PRR14L: variants seen among roughly 807,000 people sequenced by gnomAD.
PRR14L encodes the protein protein PRR14L.
A neutral mutation model predicts 155.0 loss-of-function variants in PRR14L; 80 were observed. The ratio of observed to expected loss-of-function variants is 0.52; its 90% CI spans 0.43 to 0.62. The LOEUF is 0.62. Among genes scored for constraint, PRR14L ranks in the 20% least tolerant of loss-of-function variants. The pLI, the probability that PRR14L is intolerant of heterozygous loss-of-function variation, is 0.00. For missense variants in PRR14L, 2,469 were observed against 2,548.0 expected, an observed-to-expected ratio of 0.97 and a Z score of 0.67; for synonymous variants, 883 against 916.0, an observed-to-expected ratio of 0.96 and a Z score of 0.65.
chr22:31,718,170 C>T (rs1048693329), intron 3 of PRR14L, among the ~76,000 whole-genome samples: 2 of 151,574 alleles, frequency 1.3e-5, no homozygotes, highest in South Asian at 2.1e-4. Context: ...TCAGGTGACC[C>T]GCCTGCCTCG....
At chr22:31,704,617 G>T in intron 5 of PRR14L, 38 bp downstream of exon 5, 3 of 1,545,778 alleles carry the variant, frequency 1.9e-6, no homozygotes, top group Non-Finnish European at 2.7e-6. Flanking sequence ...ACACACACAC[G>T]CACACGCGCA....
At position 31,703,682 on chromosome 22, in the gene PRR14L, G is replaced by A; in HGVS notation, c.5868C>T (p.Cys1956=). Residue 1956 remains cysteine, a synonymous_variant, in exon 6 of 9, where the codon TGC becomes TGT. Coordinates refer to ENST00000327423, the MANE Select transcript of PRR14L (RefSeq NM_173566.3). ...PPFPALVPKS[C]LVAESAVSKL... ...TGCTGACAGCTGATTCTGCTACCAA[G>A]CAAGACTTTGGTACCAAGGCAGGGA... 1 of 1,608,028 alleles carries A rather than the reference G, an allele frequency of 6.2e-7. No individual in the cohort carries two copies. The highest frequency in any genetic ancestry group is 8.5e-7 in the Non-Finnish European group (1 of 1,176,660).
intron 4 of PRR14L, 28 bp downstream of exon 4, chr22:31,712,055 T>C (rs2074625893): frequency 1.3e-6 from 2 of 1,561,662 alleles, no homozygotes; most frequent in East Asian, 2.3e-5. Context: ...ATATGGGACA[T>C]TTGTAAAGAA....
chr22:31,715,148 T>C lies in PRR14L; in HGVS notation c.2691A>G (p.Lys897=), dbSNP rs1410355016. ...NKTIHTSSSI[K]LSEEGLEGKE... ...TTCCTTCCAGCCCTTCCTCACTGAG[T>C]TTGATGCTACTGGAGGTGTGAATGG... Residue 897 remains lysine (K), a synonymous_variant, in exon 4 of 9, where the codon AAA becomes AAG. Coordinates refer to ENST00000327423, the MANE Select transcript of PRR14L (RefSeq NM_173566.3). 1.3e-6 allele frequency: 2 copies of C among 1,551,970 alleles called. No individual in the cohort carries two copies. The highest frequency in any genetic ancestry group is 1.7e-6 in the Non-Finnish European group (2 of 1,147,018).
intron 4 of PRR14L, among the ~76,000 whole-genome samples, chr22:31,708,917 C>A (rs1294208819): frequency 6.6e-6 from 1 of 152,142 alleles, no homozygotes; most frequent in Non-Finnish European, 1.5e-5. Flanking sequence ...ACCTCCAACT[C>A]CTGGGTTTAA....
At chr22:31,747,047 G>A (rs1029616526) in intron 1 of PRR14L, among the ~76,000 whole-genome samples, 115 of 151,350 alleles carry the variant, frequency 7.6e-4, no homozygotes, top group African/African-American at 2.4e-3. Context: ...CTTGTGATCC[G>A]CCCGCCTCGG....
rs1010572697 is a variant in PRR14L at position 31,739,934 on chromosome 22, C to G, written c.-51-1023G>C. ...ATGCAGTTTCCACAACAACAAAATC[C>G]ACTTTGACCATTCTGATTAGTCTGA... On this transcript the variant is annotated intron_variant, in intron 1 of 8. Coordinates refer to ENST00000327423, the MANE Select transcript of PRR14L (RefSeq NM_173566.3). Among the ~76,000 whole-genome samples, 21 of 152,208 alleles carry G rather than the reference C, an allele frequency of 1.4e-4. 1 individual carries two copies. The South Asian group carries it at 3.7e-3, about 27-fold the overall frequency.
chr22:31,739,033 G>C (rs1367665191), intron 1 of PRR14L, 122 bp from the exon 2 acceptor site: 3 of 525,426 alleles, frequency 5.7e-6, no homozygotes, highest in Non-Finnish European at 1.0e-5. Context: ...AGCATTATCT[G>C]GCACCAAAAA....
At chr22:31,749,134 C>A (rs1323938529) in intron 1 of PRR14L, among the ~76,000 whole-genome samples, 2 of 152,130 alleles carry the variant, frequency 1.3e-5, no homozygotes, top group Non-Finnish European at 2.9e-5. Context: ...CTCCCTTAGC[C>A]CGCATGACAA....
chr22:31,738,680 T>C lies in PRR14L; in HGVS notation c.181A>G (p.Arg61Gly). 1 of 1,552,018 alleles carries C rather than the reference T, an allele frequency of 6.4e-7. No individual in the cohort carries two copies. The highest frequency in any genetic ancestry group is 8.7e-7 in the Non-Finnish European group (1 of 1,147,064). Residue 61 changes from arginine to glycine, a missense_variant, in exon 2 of 9, where the codon AGG (arginine) becomes GGG (glycine). Transcript: ENST00000327423. ...CTCTGCAGCTCCAAGGGCAATGCCC[T>C]ATTCTGACTTAAAAGAGAGCTTGAG... The part of the protein sequence containing the change: ...GASSSLLSQN[R>G]ALPLELQRTH...
intron 7 of PRR14L, among the ~76,000 whole-genome samples, chr22:31,695,246 C>T (rs1333183253): frequency 2.6e-5 from 4 of 152,200 alleles, no homozygotes; most frequent in Admixed American, 2.6e-4. Context: ...CCCTGCAGTA[C>T]CTGCTCTGTG....
chr22:31,730,253 C>G (rs1278510389), intron 2 of PRR14L, among the ~76,000 whole-genome samples: 3 of 151,982 alleles, frequency 2.0e-5, no homozygotes, highest in Non-Finnish European at 4.4e-5. Context: ...GCCTGGCCAG[C>G]ATGGTGAAAC....
Position 31,713,194 on chromosome 22 carries a change from A to G in PRR14L, c.4645T>C (p.Phe1549Leu). 1 of 1,551,888 alleles carries G rather than the reference A, an allele frequency of 6.4e-7. No individual in the cohort carries two copies. The highest frequency in any genetic ancestry group is 8.7e-7 in the Non-Finnish European group (1 of 1,147,030). The part of the protein sequence containing the change: ...RKIGKIRSSA[F>L]LKSSSNPIPT... ...ATGGGATTGGAAGAACTCTTTAAAA[A>G]GGCAGAACTTCTGATTTTACCTATT... The change falls in exon 4 of 9, where the codon TTT becomes CTT. Residue 1549 changes from phenylalanine to leucine, a missense_variant. Physicochemically the swap from Phe to Leu is conservative, Grantham distance 22. This residue lies in a region of PRR14L where 2,363 missense variants were observed against 2,371.6 expected (regional missense o/e 1.00). Transcript: ENST00000327423.
intron 4 of PRR14L, among the ~76,000 whole-genome samples, chr22:31,711,510 T>A (rs150991594): frequency 6.6e-6 from 1 of 151,560 alleles, no homozygotes; most frequent in African/African-American, 2.4e-5. Flanking sequence ...AGCAGCCTGG[T>A]TGGCTTATGC....
intron 3 of PRR14L, among the ~76,000 whole-genome samples, chr22:31,722,417 G>GAAAAAAAAAA (rs563612373): frequency 1.2e-5 from 1 of 82,184 alleles, no homozygotes; most frequent in African/African-American, 4.1e-5. Flanking sequence ...GTGACAGAAA[G>GAAAAAAAAAA]AAAAAAAAAA....
Position 31,681,688 on chromosome 22 carries a change from C to G in PRR14L, c.*3839G>C, listed in dbSNP as rs537523092. The G allele has an allele frequency of 1.3e-5, 2 of 152,298 alleles. No individual in the cohort carries two copies. The highest frequency in any genetic ancestry group is 6.5e-5 in the Admixed American group (1 of 15,292). The allele number at this position is 152,298 out of a possible 1,614,324, so 9.4% of individuals were successfully genotyped here. A position where few individuals can be genotyped will look rare whatever the true frequency, so the allele number is the denominator to read the frequency against. ...AGATGGCCAGCTCAACGGGGACCCC[C>G]TTTCATCATCAAAATAGCTTTTGCT... On this transcript the variant is annotated 3_prime_UTR_variant, in exon 9 of 9. Coordinates refer to ENST00000327423, the MANE Select transcript of PRR14L (RefSeq NM_173566.3).
intron 6 of PRR14L, among the ~76,000 whole-genome samples, chr22:31,702,463 C>T (rs560890550): frequency 6.1e-4 from 93 of 152,154 alleles, no homozygotes; most frequent in Middle Eastern, 3.4e-3. Context: ...TCAGGTGATC[C>T]GCCCACCTCG....
intron 2 of PRR14L, among the ~76,000 whole-genome samples, chr22:31,735,179 C>T (rs939752590): frequency 6.6e-6 from 1 of 152,162 alleles, no homozygotes; most frequent in African/African-American, 2.4e-5. Flanking sequence ...GTGGCTTGCG[C>T]CTGTAATCCC....
In PRR14L at chr22:31,725,562, G is replaced by C. The variant is rs1259435695; in HGVS notation, c.523C>G (p.Pro175Ala). 6.4e-7 allele frequency: 1 copy of C among 1,550,880 alleles called. No homozygotes were observed. The highest frequency in any genetic ancestry group is 2.4e-5 in the East Asian group (1 of 40,918). Residue 175 changes from proline to alanine, a missense_variant, in exon 3 of 9, where the codon CCT (proline) becomes GCT (alanine). Pro to Ala is a conservative substitution (Grantham distance 27). Around this residue, in one of 2 missense-constraint regions of PRR14L, gnomAD observed 2,363 missense variants for 2,371.6 expected, o/e 1.00. Transcript: ENST00000327423. ...CCTTTGCTCCTTAGAAAATCTTCAGGGAGGTCCACATGTGAAAGTTCTTTG... is the reference window on the plus strand; with the variant it reads ...CCTTTGCTCCTTAGAAAATCTTCAGCGAGGTCCACATGTGAAAGTTCTTTG... Reference protein sequence around the residue: ...SSKELSHVDLPEDFLRSKEGN... With the variant: ...SSKELSHVDLAEDFLRSKEGN...
Sources: gnomAD v4.1 joint callset for allele counts (sites outside exome capture counted in the v4.1 genomes callset) on GRCh38, gnomAD v4.1.1 for gene constraint, gnomAD v4.1.1 regional missense constraint, MANE v1.5 for transcripts, NCBI Gene and HGNC (gene_info 2026-07-23, HGNC 2026-07-21) for gene names.